Variants in PBX3 observed in about 807,000 individuals in gnomAD.
PBX3 encodes the protein PBX homeobox 3.
A neutral mutation model predicts 48.5 loss-of-function variants in PBX3; 14 were observed. That is an observed-to-expected ratio of 0.29 (90% CI 0.19 to 0.45). The LOEUF is 0.45. Ranked by LOEUF, PBX3 falls within the 20% of genes least tolerant of loss-of-function variation. PBX3 has a pLI of 1.00. For missense variants in PBX3, 386 were observed against 546.7 expected, an observed-to-expected ratio of 0.71 and a Z score of 2.93; for synonymous variants, 210 against 200.3, an observed-to-expected ratio of 1.05 and a Z score of -0.41.
At chr9:125,885,581 A>G (rs1036433698) in intron 2 of PBX3, among the ~76,000 whole-genome samples, 2 of 152,136 alleles carry the variant, frequency 1.3e-5, no homozygotes, top group African/African-American at 4.8e-5. Context: ...GACAGTTTAA[A>G]AAGGCTTCCA....
chr9:125,815,669 G>T (rs1838438229), intron 2 of PBX3, among the ~76,000 whole-genome samples: 1 of 148,002 alleles, frequency 6.8e-6, no homozygotes, highest in African/African-American at 2.5e-5. Context: ...TTCTCCTTTG[G>T]GCAAATGTTC....
chr9:125,764,873 CTCT>C (rs1424272332), intron 2 of PBX3, among the ~76,000 whole-genome samples: 2 of 152,010 alleles, frequency 1.3e-5, no homozygotes, highest in African/African-American at 4.8e-5. Context: ...ATCACTATTC[CTCT>C]TCTTTGCACT....
chr9:125,959,772 A>G (rs1842387982), intron 5 of PBX3, among the ~76,000 whole-genome samples: 1 of 152,218 alleles, frequency 6.6e-6, no homozygotes, highest in African/African-American at 2.4e-5. Context: ...GTATTTTTAA[A>G]CTGTTGCTTT....
chr9:125,931,075 T>C (rs566429240), intron 4 of PBX3, among the ~76,000 whole-genome samples: 2 of 152,352 alleles, frequency 1.3e-5, no homozygotes, highest in South Asian at 2.1e-4. Context: ...CTCATTTTTA[T>C]TACCTAAAGA....
At chr9:125,816,657 C>T (rs1310470162) in intron 2 of PBX3, among the ~76,000 whole-genome samples, 4 of 152,166 alleles carry the variant, frequency 2.6e-5, no homozygotes, top group Non-Finnish European at 5.9e-5. Flanking sequence ...AATCTTCCAA[C>T]TCAGGGTTCA....
intron 2 of PBX3, among the ~76,000 whole-genome samples, chr9:125,844,081 C>T (rs890606704): frequency 3.3e-5 from 5 of 152,016 alleles, no homozygotes; most frequent in Non-Finnish European, 7.4e-5. Context: ...GACATAAATT[C>T]TAGAAAATGC....
intron 2 of PBX3, among the ~76,000 whole-genome samples, chr9:125,834,650 T>A (rs1485668614): frequency 1.3e-5 from 2 of 150,972 alleles, no homozygotes; most frequent in Non-Finnish European, 1.5e-5. Context: ...CGCCCACCTC[T>A]GCCTCCCAAA....
intron 2 of PBX3, among the ~76,000 whole-genome samples, chr9:125,889,384 C>T (rs111825188): frequency 0.015 from 2,308 of 152,346 alleles, 23 homozygotes; most frequent in Non-Finnish European, 0.027. Flanking sequence ...CCCTTTCCTC[C>T]GGTCCCGAGT....
At chr9:125,858,587 C>T (rs552350955) in intron 2 of PBX3, among the ~76,000 whole-genome samples, 2 of 142,730 alleles carry the variant, frequency 1.4e-5, no homozygotes, top group African/African-American at 5.1e-5. Context: ...GCATATTTCA[C>T]TTTTGGGGAC....
chr9:125,767,768 C>T (rs573421807), intron 2 of PBX3, among the ~76,000 whole-genome samples: 109 of 152,296 alleles, frequency 7.2e-4, no homozygotes, highest in African/African-American at 2.3e-3. Flanking sequence ...CCACTTTCTT[C>T]TGAGAAGCCT....
At chr9:125,965,030 ACT>A (rs938194017) in intron 8 of PBX3, among the ~76,000 whole-genome samples, 1 of 152,176 alleles carries the variant, frequency 6.6e-6, no homozygotes, top group Non-Finnish European at 1.5e-5. Context: ...GTGTTCCCCA[ACT>A]CACGAGGCTG....
intron 2 of PBX3, among the ~76,000 whole-genome samples, chr9:125,913,560 T>C (rs922423387): frequency 2.0e-5 from 3 of 152,174 alleles, no homozygotes; most frequent in Admixed American, 2.0e-4. Context: ...AATTTCCTTC[T>C]GTCTCTCTTA....
chr9:125,858,577 G>A (rs376884800), intron 2 of PBX3, among the ~76,000 whole-genome samples: 24 of 149,278 alleles, frequency 1.6e-4, no homozygotes, highest in African/African-American at 5.4e-4. Context: ...GAAAGTAAAT[G>A]CATATTTCAC....
intron 2 of PBX3, among the ~76,000 whole-genome samples, chr9:125,786,123 T>C (rs192757740): frequency 1.3e-5 from 2 of 152,292 alleles, no homozygotes; most frequent in Admixed American, 1.3e-4. Context: ...AGGGGGAAAT[T>C]AGTTTGAATA....
rs191032665 is a variant in PBX3, at chr9:125,918,608, A to G, written c.516+2681A>G. On this transcript the variant is annotated intron_variant, in intron 3 of 8. Coordinates refer to ENST00000373489, the MANE Select transcript of PBX3 (RefSeq NM_006195.6). Reference sequence around the variant, plus strand: ...CTTTCAGATGGAAAAATATAGATATATAAAATCTGTACAGTAGGGACAAAT... The same window carrying G: ...CTTTCAGATGGAAAAATATAGATATGTAAAATCTGTACAGTAGGGACAAAT... Among the ~76,000 whole-genome samples the G allele has an allele frequency of 2.0e-5, 3 of 152,366 alleles. No individual in the cohort carries two copies. The East Asian group carries it at 5.8e-4, about 29-fold the overall frequency.
At chr9:125,765,708 T>TA (rs1836785905) in intron 2 of PBX3, among the ~76,000 whole-genome samples, 1 of 152,226 alleles carries the variant, frequency 6.6e-6, no homozygotes, top group Non-Finnish European at 1.5e-5. Context: ...TTGGGTCTTG[T>TA]ACTACCATTC....
chr9:125,955,889 C>A (rs1403340523), intron 5 of PBX3, among the ~76,000 whole-genome samples: 1 of 152,188 alleles, frequency 6.6e-6, no homozygotes, highest in African/African-American at 2.4e-5. Context: ...TTTATTTTTT[C>A]ATTTCCCCAC....
At chr9:125,792,680 A>T (rs1164946898) in intron 2 of PBX3, among the ~76,000 whole-genome samples, 2 of 150,098 alleles carry the variant, frequency 1.3e-5, no homozygotes, top group Non-Finnish European at 2.9e-5. Flanking sequence ...TTATTTAAAT[A>T]GCTTTATTGA....
intron 3 of PBX3, among the ~76,000 whole-genome samples, chr9:125,926,542 A>T (rs1841581322): frequency 6.7e-6 from 1 of 149,952 alleles, no homozygotes; most frequent in African/African-American, 2.5e-5. Context: ...GGTGCTATTT[A>T]TTACAGGCTC....
Sources: gnomAD v4.1 joint callset for allele counts (sites outside exome capture counted in the v4.1 genomes callset) on GRCh38, gnomAD v4.1.1 for gene constraint, MANE v1.5 for transcripts, NCBI Gene and HGNC (gene_info 2026-07-23, HGNC 2026-07-21) for gene names.